Variants in CHD6 observed in about 807,000 individuals in gnomAD.
CHD6 encodes the protein ATP-dependent chromatin remodeler CHD6.
CHD6 carries 50 observed loss-of-function variants against 276.9 expected under a neutral mutation model. The observed-to-expected ratio is 0.18, with a 90% CI of 0.14 to 0.23. CHD6 has a LOEUF of 0.23. Among genes scored for constraint, CHD6 ranks in the 10% least tolerant of loss-of-function variants. The probability of loss-of-function intolerance (pLI) is 1.00; values close to 1 mark genes in which losing one functional copy is unlikely to be tolerated. For synonymous variants in CHD6, 1,173 were observed against 1,229.3 expected (o/e 0.95, Z 0.96); for missense variants, 2,564 against 3,365.8 (o/e 0.76, Z 5.89).
rs1372725845 is a variant in CHD6, at chr20:41,405,020, C to A, written c.7721G>T (p.Ser2574Ile). Residue 2574 changes from serine (S) to isoleucine (I), a missense_variant, in exon 37 of 37, where the codon AGT becomes ATT. Physicochemically the swap from Ser to Ile is moderately radical, Grantham distance 142 (BLOSUM62 -2). Around this residue, in one of 7 missense-constraint regions of CHD6, gnomAD observed 238 missense variants for 266.0 expected, o/e 0.89. Transcript: ENST00000373233. ...VTEKTAEDKP[S>I]SHDVKTDTLA... ...AGTGTCTGTTTTCACATCATGGCTA[C>A]TCGGCTTGTCTTCCGCAGTCTTTTC... The A allele has an allele frequency of 6.2e-7, 1 of 1,614,248 alleles. No individual in the cohort carries two copies. Among genetic ancestry groups the A allele is most frequent in the South Asian group, 1.1e-5 (1 of 91,086 alleles).
chr20:41,576,798 A>C (rs1162299420), intron 1 of CHD6, among the ~76,000 whole-genome samples: 1 of 152,184 alleles, frequency 6.6e-6, no homozygotes, highest in Non-Finnish European at 1.5e-5. Flanking sequence ...ATAACATCCA[A>C]CTATTCAAAC....
In CHD6 at chr20:41,587,123, C is replaced by T. The variant is rs532550270; in HGVS notation, c.-24+31217G>A. Among the ~76,000 whole-genome samples the T allele has an allele frequency of 7.9e-5, 12 of 152,246 alleles. No homozygotes were observed. The South Asian group carries it at 2.5e-3, about 32-fold the overall frequency. ...AACTATAATTTAATAAGGTCATAGG[C>T]TATAAGATTGACATATAAAAATCAA... On this transcript the variant is annotated intron_variant, in intron 1 of 36. Transcript: ENST00000373233.
In CHD6 at chr20:41,416,753, C is replaced by T. The variant is rs1365527676; in HGVS notation, c.6321G>A (p.Val2107=). The T allele has an allele frequency of 1.1e-5, 18 of 1,608,522 alleles. No homozygotes were observed. Among genetic ancestry groups the T allele is most frequent in the Non-Finnish European group, 1.5e-5 (18 of 1,176,482 alleles). ...IINRLDNICH[V]VLKGKWPSSQ... is the part of the protein sequence containing the mutation. ...TAGAGGGCCACTTCCCCTTTAACAC[C>T]ACGTGGCAGATATTATCTAGGCGGT... The change falls in exon 33 of 37, where the codon GTG becomes GTA. Residue 2107 remains valine (V), a synonymous_variant. Coordinates refer to ENST00000373233, the MANE Select transcript of CHD6 (RefSeq NM_032221.5).
intron 1 of CHD6, chr20:41,564,246 A>C: frequency 1.7e-6 from 1 of 577,936 alleles, no homozygotes; most frequent in Non-Finnish European, 3.1e-6. Context: ...GATCTAGATG[A>C]CATTTTCTCT....
intron 1 of CHD6, among the ~76,000 whole-genome samples, chr20:41,563,484 T>A (rs2045324046): frequency 6.6e-6 from 1 of 152,138 alleles, no homozygotes; most frequent in African/African-American, 2.4e-5. Context: ...CAGAACTGAA[T>A]GGGATCTCTG....
chr20:41,589,505 G>A, intron 1 of CHD6, among the ~76,000 whole-genome samples: 1 of 152,198 alleles, frequency 6.6e-6, no homozygotes, highest in East Asian at 1.9e-4. Context: ...AAGCTGATAA[G>A]CAACTTCAGC....
At chr20:41,557,384 A>G (rs1479598987) in intron 1 of CHD6, among the ~76,000 whole-genome samples, 2 of 152,178 alleles carry the variant, frequency 1.3e-5, no homozygotes, top group Non-Finnish European at 2.9e-5. Context: ...GCCAGGTTTC[A>G]ATAAGAACAT....
intron 24 of CHD6, 87 bp from the exon 25 acceptor site, chr20:41,445,855 A>G: frequency 1.3e-6 from 1 of 749,310 alleles, no homozygotes; most frequent in Non-Finnish European, 2.3e-6. Flanking sequence ...TGGCATGCTG[A>G]GATGCTAAAG....
chr20:41,449,208 G>GTTTA (rs370783811), intron 23 of CHD6, among the ~76,000 whole-genome samples: 15 of 152,102 alleles, frequency 9.9e-5, no homozygotes, highest in Non-Finnish European at 1.9e-4. Flanking sequence ...CAACCTGTTT[G>GTTTA]TTTATTTATT....
At chr20:41,592,016 G>A (rs1021059125) in intron 1 of CHD6, among the ~76,000 whole-genome samples, 4 of 151,638 alleles carry the variant, frequency 2.6e-5, no homozygotes, top group South Asian at 2.1e-4. Flanking sequence ...AGAGAATGGC[G>A]TGAACCCAGG....
In CHD6 at chr20:41,498,159, T is replaced by TAG; in HGVS notation, c.974+7_974+8dup. ...ACCCAAATACAGAGAATACTTTAAA[T>TAG]AGACGTACAAATTTCTATACTTAAC... On this transcript the variant is annotated intron_variant, in intron 7 of 36. Transcript: ENST00000373233. 6.3e-7 allele frequency: 1 copy of TAG among 1,594,714 alleles called. No individual in the cohort carries two copies. Among genetic ancestry groups the TAG allele is most frequent in the Non-Finnish European group, 8.6e-7 (1 of 1,165,848 alleles).
chr20:41,542,579 G>A (rs2146115042), intron 2 of CHD6, among the ~76,000 whole-genome samples: 1 of 152,162 alleles, frequency 6.6e-6, no homozygotes, highest in Middle Eastern at 3.4e-3. Context: ...TGTAGTCCCA[G>A]CTACTCAGGA....
intron 17 of CHD6, among the ~76,000 whole-genome samples, chr20:41,463,359 T>C (rs771400115): frequency 2.2e-4 from 33 of 152,208 alleles, no homozygotes; most frequent in Admixed American, 5.2e-4. Context: ...GGTGATACTT[T>C]GATGAGGAAC....
rs775114803 is a variant in CHD6 at position 41,461,447 on chromosome 20, G to A, written c.2665-4019C>T. Among the ~76,000 whole-genome samples the A allele has an allele frequency of 3.9e-5, 6 of 152,222 alleles. No individual in the cohort carries two copies. The South Asian group carries it at 1.2e-3, about 32-fold the overall frequency. The stretch of plus-strand genomic sequence containing the variant: ...AGCAGGGAGGTAACTGAATCATGGG[G>A]GCTGGTCTTTTCCATGCAATTCTCA... On this transcript the variant is annotated intron_variant, in intron 17 of 36. Transcript: ENST00000373233.
chr20:41,472,092 G>C (rs1409991150), intron 17 of CHD6, among the ~76,000 whole-genome samples: 1 of 152,064 alleles, frequency 6.6e-6, no homozygotes, highest in African/African-American at 2.4e-5. Context: ...AAATTAGCCA[G>C]GCGTGGTGGC....
At chr20:41,410,541 C>T (rs896926177) in intron 36 of CHD6, among the ~76,000 whole-genome samples, 1 of 152,186 alleles carries the variant, frequency 6.6e-6, no homozygotes, top group Non-Finnish European at 1.5e-5. Context: ...AGAGGAGCTG[C>T]AGGAGATACA....
At chr20:41,545,617 G>A (rs1318990695) in intron 2 of CHD6, among the ~76,000 whole-genome samples, 1 of 152,014 alleles carries the variant, frequency 6.6e-6, no homozygotes, top group African/African-American at 2.4e-5. Context: ...CTAAATTATG[G>A]ATCATGATTT....
At chr20:41,454,358 G>T (rs2048325318) in intron 20 of CHD6, among the ~76,000 whole-genome samples, 1 of 152,200 alleles carries the variant, frequency 6.6e-6, no homozygotes, top group African/African-American at 2.4e-5. Flanking sequence ...TGAGGCAGAG[G>T]CCTGAACTTG....
At chr20:41,453,624 T>A (rs1276197302) in intron 20 of CHD6, among the ~76,000 whole-genome samples, 1 of 152,166 alleles carries the variant, frequency 6.6e-6, no homozygotes. Flanking sequence ...GTGTTATCCC[T>A]GCTCTGATCA....
Sources: gnomAD v4.1 joint callset for allele counts (sites outside exome capture counted in the v4.1 genomes callset) on GRCh38, gnomAD v4.1.1 for gene constraint, gnomAD v4.1.1 regional missense constraint, MANE v1.5 for transcripts, NCBI Gene and HGNC (gene_info 2026-07-23, HGNC 2026-07-21) for gene names.